PDGFRL: variants seen among roughly 807,000 people sequenced by gnomAD.
PDGFRL encodes the protein platelet derived growth factor receptor like.
A neutral mutation model predicts 37.2 loss-of-function variants in PDGFRL; 46 were observed. That is an observed-to-expected ratio of 1.24 (90% CI 0.98 to 1.58). PDGFRL has a LOEUF of 1.58. Among genes scored for constraint, PDGFRL ranks in the 40% most tolerant of loss-of-function variants. PDGFRL has a pLI of 0.00. For synonymous variants in PDGFRL, 251 were observed against 184.3 expected (o/e 1.36, Z -2.93); for missense variants, 692 against 467.6 (o/e 1.48, Z -4.43).
intron 2 of PDGFRL, among the ~76,000 whole-genome samples, chr8:17,605,456 A>T (rs953519000): frequency 6.6e-6 from 1 of 152,218 alleles, no homozygotes; most frequent in African/African-American, 2.4e-5. Context: ...TGGGAGATCA[A>T]CGTGACCCAT....
intron 2 of PDGFRL, among the ~76,000 whole-genome samples, chr8:17,599,318 C>G (rs2150819919): frequency 6.6e-6 from 1 of 152,236 alleles, no homozygotes; most frequent in East Asian, 1.9e-4. Context: ...CCCCCAAGTC[C>G]CTAAAGTCCA....
intron 1 of PDGFRL, among the ~76,000 whole-genome samples, chr8:17,585,004 C>T (rs1016024834): frequency 2.6e-5 from 4 of 152,120 alleles, no homozygotes; most frequent in African/African-American, 7.2e-5. Flanking sequence ...GGGAAAGGGA[C>T]GGGAAATTCC....
chr8:17,608,342 C>G (rs142127103), intron 2 of PDGFRL, among the ~76,000 whole-genome samples: 198 of 152,306 alleles, frequency 1.3e-3, no homozygotes, highest in African/African-American at 4.6e-3. Flanking sequence ...TGTTTGTGAA[C>G]TTGACTTCAT....
At chr8:17,622,293 C>A (rs1041320588) in intron 3 of PDGFRL, among the ~76,000 whole-genome samples, 1 of 152,216 alleles carries the variant, frequency 6.6e-6, no homozygotes, top group Non-Finnish European at 1.5e-5. Context: ...AAGCCACCCT[C>A]GTCCTATTGT....
chr8:17,637,184 G>T (rs993959454), intron 5 of PDGFRL, among the ~76,000 whole-genome samples: 1 of 152,190 alleles, frequency 6.6e-6, no homozygotes, highest in African/African-American at 2.4e-5. Flanking sequence ...TCTTGTTGCA[G>T]TTCTCAGGGG....
intron 1 of PDGFRL, among the ~76,000 whole-genome samples, 177 bp from the exon 2 acceptor site, chr8:17,589,291 C>A (rs1803880404): frequency 6.6e-6 from 1 of 151,688 alleles, no homozygotes; most frequent in African/African-American, 2.4e-5. Context: ...GGTGCTCAGG[C>A]AAGAGAATCA....
intron 2 of PDGFRL, among the ~76,000 whole-genome samples, chr8:17,611,638 C>G (rs7816611): frequency 6.6e-6 from 1 of 152,064 alleles, no homozygotes; most frequent in African/African-American, 2.4e-5. Flanking sequence ...CTAAAGACAC[C>G]GGGTTACTCA....
chr8:17,591,409 G>T lies in PDGFRL; in HGVS notation c.353+1644G>T, dbSNP rs543079534. 5.9e-5 allele frequency among the ~76,000 whole-genome samples: 9 copies of T among 152,256 alleles called. No homozygotes were observed. In the South Asian group the frequency reaches 1.9e-3, roughly 32 times the overall value. ...ACCTGAGCATGGGCTCTGCGTCAGG[G>T]GGTGTGTACGGGGTTACAGTCCTGT... On this transcript the variant is annotated intron_variant, in intron 2 of 5. Coordinates refer to ENST00000251630, the MANE Select transcript of PDGFRL (RefSeq NM_001372073.1).
intron 2 of PDGFRL, among the ~76,000 whole-genome samples, chr8:17,607,297 C>T (rs1398457702): frequency 3.4e-5 from 5 of 146,890 alleles, no homozygotes; most frequent in Non-Finnish European, 4.6e-5. Flanking sequence ...TCGATCTAGT[C>T]ATTAGAGTAG....
intron 2 of PDGFRL, among the ~76,000 whole-genome samples, chr8:17,600,860 T>C (rs1804152931): frequency 6.6e-6 from 1 of 151,564 alleles, no homozygotes; most frequent in South Asian, 2.1e-4. Context: ...TGCACCCCTG[T>C]AGTCCCAGCT....
chr8:17,600,319 CT>C (rs1329811885), intron 2 of PDGFRL, among the ~76,000 whole-genome samples: 1 of 152,154 alleles, frequency 6.6e-6, no homozygotes, highest in African/African-American at 2.4e-5. Context: ...GGTTTTCTCT[CT>C]GTCTCACAGC....
intron 5 of PDGFRL, among the ~76,000 whole-genome samples, chr8:17,635,537 T>C (rs1804954917): frequency 6.6e-6 from 1 of 152,220 alleles, no homozygotes; most frequent in African/African-American, 2.4e-5. Flanking sequence ...TTGATGGGCA[T>C]TTGAGCTGGT....
At chr8:17,589,388 A>T (rs887118704) in intron 1 of PDGFRL, 80 bp from the exon 2 acceptor site, 5 of 935,142 alleles carry the variant, frequency 5.3e-6, no homozygotes, top group Non-Finnish European at 7.7e-6. Context: ...TCTGTCTCAA[A>T]AAAAAAAAAA....
At chr8:17,609,824 A>C (rs1006827752) in intron 2 of PDGFRL, among the ~76,000 whole-genome samples, 6 of 152,054 alleles carry the variant, frequency 3.9e-5, no homozygotes, top group Non-Finnish European at 8.8e-5. Flanking sequence ...GCTTTTAGTA[A>C]AGTAAACTCA....
At chr8:17,628,105 T>C (rs1804772454) in intron 3 of PDGFRL, among the ~76,000 whole-genome samples, 1 of 148,878 alleles carries the variant, frequency 6.7e-6, no homozygotes, top group Admixed American at 6.8e-5. Flanking sequence ...GCCATTTTCC[T>C]GCCTCAGCCT....
chr8:17,607,823 A>C (rs1804315821), intron 2 of PDGFRL, among the ~76,000 whole-genome samples: 1 of 152,264 alleles, frequency 6.6e-6, no homozygotes, highest in African/African-American at 2.4e-5. Flanking sequence ...GGGAGCAAGA[A>C]AAGAGGAATA....
intron 2 of PDGFRL, among the ~76,000 whole-genome samples, chr8:17,609,144 G>A (rs1332171989): frequency 7.9e-5 from 12 of 152,180 alleles, no homozygotes; most frequent in Admixed American, 7.9e-4. Flanking sequence ...TGAGGCTACA[G>A]TGAGCCATGG....
chr8:17,631,869 A>G (rs772578808), intron 4 of PDGFRL, among the ~76,000 whole-genome samples: 5 of 152,114 alleles, frequency 3.3e-5, no homozygotes, highest in Non-Finnish European at 5.9e-5. Flanking sequence ...GTGCTCCCCC[A>G]GGCACCCTTC....
intron 2 of PDGFRL, among the ~76,000 whole-genome samples, chr8:17,596,802 A>T (rs1054790084): frequency 1.3e-5 from 2 of 152,238 alleles, no homozygotes; most frequent in Non-Finnish European, 2.9e-5. Flanking sequence ...TATCAACCAC[A>T]GATGTGCTAT....
Sources: allele counts gnomAD v4.1 joint callset (sites outside exome capture counted in the v4.1 genomes callset), GRCh38; gene constraint gnomAD v4.1.1; transcripts MANE v1.5; gene names NCBI Gene and HGNC (gene_info 2026-07-23, HGNC 2026-07-21).